Variants in CSMD1 observed in about 807,000 individuals in gnomAD.
CSMD1 encodes the protein CUB and sushi domain-containing protein 1.
A neutral mutation model predicts 417.5 loss-of-function variants in CSMD1; 213 were observed. The observed-to-expected ratio is 0.51, with a 90% CI of 0.46 to 0.57. The LOEUF is 0.57. Among genes scored for constraint, CSMD1 ranks in the 20% least tolerant of loss-of-function variants. The pLI is 0.00. For synonymous variants in CSMD1, 2,862 were observed against 1,736.8 expected, an observed-to-expected ratio of 1.65 and a Z score of -16.11; for missense variants, 6,923 against 4,529.7, an observed-to-expected ratio of 1.53 and a Z score of -15.17.
intron 10 of CSMD1, among the ~76,000 whole-genome samples, chr8:3,550,928 C>G (rs1044200506): frequency 1.3e-5 from 2 of 152,150 alleles, no homozygotes; most frequent in African/African-American, 4.8e-5. Flanking sequence ...GCAAATGTGT[C>G]TCTGCTTTTC....
chr8:3,728,579 C>G (rs1802631545), intron 6 of CSMD1, among the ~76,000 whole-genome samples: 1 of 152,178 alleles, frequency 6.6e-6, no homozygotes, highest in Non-Finnish European at 1.5e-5. Context: ...AGTGGTGTGA[C>G]TGACTTGCAC....
At chr8:4,401,542 C>T (rs1236121368) in intron 3 of CSMD1, among the ~76,000 whole-genome samples, 2 of 152,134 alleles carry the variant, frequency 1.3e-5, no homozygotes, top group African/African-American at 4.8e-5. Flanking sequence ...GCAGTAGCTC[C>T]CCTGTCTGAT....
At chr8:3,343,199 G>GA (rs1205197038) in intron 23 of CSMD1, 95 bp downstream of exon 23, 47 of 1,117,884 alleles carry the variant, frequency 4.2e-5, no homozygotes, top group South Asian at 7.3e-5. Context: ...TAGGCAGCCA[G>GA]AAAAAAATCA....
At chr8:4,400,288 T>A (rs1804558432) in intron 3 of CSMD1, among the ~76,000 whole-genome samples, 1 of 152,224 alleles carries the variant, frequency 6.6e-6, no homozygotes, top group Non-Finnish European at 1.5e-5. Context: ...AGTAAGATAC[T>A]AGCAAATGGG....
intron 5 of CSMD1, among the ~76,000 whole-genome samples, chr8:3,849,087 T>C (rs1003372736): frequency 2.0e-5 from 3 of 152,044 alleles, no homozygotes; most frequent in Admixed American, 2.0e-4. Flanking sequence ...ATTTAACAGT[T>C]GAAGGGATAC....
intron 2 of CSMD1, among the ~76,000 whole-genome samples, chr8:4,490,127 G>A (rs1030190272): frequency 6.8e-6 from 1 of 146,792 alleles, no homozygotes; most frequent in African/African-American, 2.5e-5. Flanking sequence ...TGCAACCTCT[G>A]CCTCCTGAGT....
At chr8:3,389,159 G>T (rs1167215857) in intron 17 of CSMD1, among the ~76,000 whole-genome samples, 1 of 152,272 alleles carries the variant, frequency 6.6e-6, no homozygotes, top group South Asian at 2.1e-4. Flanking sequence ...GTGCAGGTTT[G>T]TTACATTGGT....
intron 1 of CSMD1, among the ~76,000 whole-genome samples, chr8:4,846,250 CA>C (rs1224264039): frequency 1.3e-5 from 2 of 152,142 alleles, no homozygotes; most frequent in Non-Finnish European, 2.9e-5. Flanking sequence ...CTCTTACTTT[CA>C]AATTTGGAAA....
chr8:3,223,558 A>C (rs1289694481), intron 28 of CSMD1, among the ~76,000 whole-genome samples, 171 bp downstream of exon 28: 1 of 152,206 alleles, frequency 6.6e-6, no homozygotes, highest in Non-Finnish European at 1.5e-5. Context: ...CCAAAGCAAA[A>C]TACTGTATTT....
intron 10 of CSMD1, among the ~76,000 whole-genome samples, chr8:3,495,095 T>G (rs1461444664): frequency 6.6e-6 from 1 of 152,256 alleles, no homozygotes; most frequent in African/African-American, 2.4e-5. Context: ...AGTATTTGTA[T>G]GAATACATTA....
intron 3 of CSMD1, among the ~76,000 whole-genome samples, chr8:4,050,646 C>G (rs938666348): frequency 1.4e-4 from 21 of 152,026 alleles, no homozygotes; most frequent in African/African-American, 3.9e-4. Context: ...AATACTAGAT[C>G]TTATTCGTTC....
At chr8:3,967,863 T>C (rs1425432086) in intron 5 of CSMD1, among the ~76,000 whole-genome samples, 3 of 151,968 alleles carry the variant, frequency 2.0e-5, no homozygotes, top group Non-Finnish European at 4.4e-5. Flanking sequence ...TTTCCCTTGC[T>C]CGCTTAAGAA....
chr8:3,498,830 C>G (rs1259592931), intron 10 of CSMD1, among the ~76,000 whole-genome samples: 1 of 152,026 alleles, frequency 6.6e-6, no homozygotes. Flanking sequence ...TATTCAGTTT[C>G]AAGACTTCTG....
At chr8:4,941,775 C>A (rs1420844652) in intron 1 of CSMD1, among the ~76,000 whole-genome samples, 1 of 151,888 alleles carries the variant, frequency 6.6e-6, no homozygotes, top group Non-Finnish European at 1.5e-5. Context: ...ATTTTCAATT[C>A]TTTTGTAGGG....
chr8:4,558,220 C>G (rs1798179594), intron 2 of CSMD1, among the ~76,000 whole-genome samples: 3 of 152,164 alleles, frequency 2.0e-5, no homozygotes, highest in South Asian at 4.1e-4. Flanking sequence ...GTCCCCTTAT[C>G]ACTTTAGTCA....
chr8:3,335,407 G>A (rs576327671), intron 23 of CSMD1, among the ~76,000 whole-genome samples: 2 of 152,312 alleles, frequency 1.3e-5, no homozygotes, highest in African/African-American at 4.8e-5. Flanking sequence ...GCCAGGCATG[G>A]TGGCTCACGC....
intron 1 of CSMD1, among the ~76,000 whole-genome samples, chr8:4,641,874 T>C (rs1803215695): frequency 6.6e-6 from 1 of 152,182 alleles, no homozygotes; most frequent in African/African-American, 2.4e-5. Flanking sequence ...AAGTATTAAG[T>C]AGCAATTGGA....
intron 2 of CSMD1, among the ~76,000 whole-genome samples, chr8:4,571,004 T>C (rs1798867661): frequency 6.6e-6 from 1 of 152,192 alleles, no homozygotes; most frequent in Non-Finnish European, 1.5e-5. Context: ...TTATCTTTTT[T>C]TTATCATGTC....
rs543307855 is a variant in CSMD1, at chr8:3,385,605, A to G, written c.2782+1889T>C. On this transcript the variant is annotated intron_variant, in intron 18 of 69. Coordinates refer to ENST00000635120, the MANE Select transcript of CSMD1 (RefSeq NM_033225.6). ...TCTTGACTTTCAAGGGAATTTTATAAGAGTTTACTATTAATTATGGTGTTT... is the reference window on the plus strand; with the variant it reads ...TCTTGACTTTCAAGGGAATTTTATAGGAGTTTACTATTAATTATGGTGTTT... Among the ~76,000 whole-genome samples the G allele has an allele frequency of 1.5e-3, 229 of 152,306 alleles. 1 individual carries two copies. Among genetic ancestry groups the G allele is most frequent in the African/African-American group, 5.3e-3 (219 of 41,564 alleles).
Sources: allele counts gnomAD v4.1 joint callset (sites outside exome capture counted in the v4.1 genomes callset), GRCh38; gene constraint gnomAD v4.1.1; transcripts MANE v1.5; gene names NCBI Gene and HGNC (gene_info 2026-07-23, HGNC 2026-07-21).